Variants in KCTD8 observed in about 807,000 individuals in gnomAD.
KCTD8 encodes potassium channel tetramerization domain containing 8, also known as BTB/POZ domain-containing protein KCTD8.
A neutral mutation model predicts 31.5 loss-of-function variants in KCTD8; 27 were observed. That is an observed-to-expected ratio of 0.86 (90% confidence interval 0.63 to 1.18). KCTD8 has a LOEUF of 1.18. Ranked by LOEUF, KCTD8 falls within the 50% of genes most tolerant of loss-of-function variation. The probability of loss-of-function intolerance (pLI) is 0.00; values close to 1 mark genes in which losing one functional copy is unlikely to be tolerated. For synonymous variants in KCTD8, 290 were observed against 280.0 expected (o/e 1.04, Z -0.36); for missense variants, 658 against 647.7 (o/e 1.02, Z -0.17).
intron 1 of KCTD8, among the ~76,000 whole-genome samples, chr4:44,267,873 A>T (rs1408744801): frequency 6.6e-6 from 1 of 152,178 alleles, no homozygotes; most frequent in Non-Finnish European, 1.5e-5. Context: ...TAGACCAATA[A>T]CAGGCTCTTA....
chr4:44,355,778 A>G (rs907880707), intron 1 of KCTD8, among the ~76,000 whole-genome samples: 3 of 152,182 alleles, frequency 2.0e-5, no homozygotes, highest in African/African-American at 7.2e-5. Flanking sequence ...AGAAATCAAA[A>G]TTAGCACAGT....
intron 1 of KCTD8, among the ~76,000 whole-genome samples, chr4:44,416,372 G>C (rs954800637): frequency 2.6e-5 from 4 of 152,152 alleles, no homozygotes; most frequent in Admixed American, 2.6e-4. Flanking sequence ...GACTTTAGGG[G>C]ACTATTAAGG....
At chr4:44,178,410 G>C (rs1713280477) in intron 1 of KCTD8, among the ~76,000 whole-genome samples, 1 of 152,024 alleles carries the variant, frequency 6.6e-6, no homozygotes, top group Non-Finnish European at 1.5e-5. Flanking sequence ...CTTTATGGCT[G>C]AATGTGATCC....
intron 1 of KCTD8, among the ~76,000 whole-genome samples, chr4:44,229,701 T>C (rs1715062576): frequency 6.6e-6 from 1 of 152,118 alleles, no homozygotes; most frequent in South Asian, 2.1e-4. Flanking sequence ...AAAGCCTTTT[T>C]TTTTCTTCTT....
At chr4:44,435,162 C>A (rs1432299146) in intron 1 of KCTD8, among the ~76,000 whole-genome samples, 1 of 151,920 alleles carries the variant, frequency 6.6e-6, no homozygotes, top group African/African-American at 2.4e-5. Context: ...ACTACTGATT[C>A]AATTCATATA....
intron 1 of KCTD8, among the ~76,000 whole-genome samples, chr4:44,268,106 A>T (rs1396327429): frequency 6.6e-6 from 1 of 152,174 alleles, no homozygotes; most frequent in East Asian, 1.9e-4. Flanking sequence ...AGAATTTCAG[A>T]CCAATTTCCT....
chr4:44,397,917 A>G (rs888137897), intron 1 of KCTD8, among the ~76,000 whole-genome samples: 7 of 152,162 alleles, frequency 4.6e-5, no homozygotes, highest in Admixed American at 3.9e-4. Context: ...TTGTAGCACA[A>G]TGAATTACAG....
intron 1 of KCTD8, among the ~76,000 whole-genome samples, chr4:44,406,488 T>C (rs1720799600): frequency 6.6e-6 from 1 of 152,028 alleles, no homozygotes; most frequent in Non-Finnish European, 1.5e-5. Flanking sequence ...TTATCAGGGG[T>C]TTCCACTTTT....
intron 1 of KCTD8, among the ~76,000 whole-genome samples, chr4:44,322,559 T>C (rs567311598): frequency 6.6e-5 from 10 of 152,104 alleles, no homozygotes; most frequent in East Asian, 1.9e-4. Flanking sequence ...CTCTTCATTT[T>C]ATGTTTTTCC....
intron 1 of KCTD8, among the ~76,000 whole-genome samples, chr4:44,233,444 C>T (rs1385075474): frequency 1.3e-5 from 2 of 152,058 alleles, no homozygotes; most frequent in African/African-American, 4.8e-5. Context: ...CATGGTGTTC[C>T]AGTTCCATGG....
At chr4:44,374,255 GGA>G (rs1406060331) in intron 1 of KCTD8, among the ~76,000 whole-genome samples, 6 of 152,124 alleles carry the variant, frequency 3.9e-5, no homozygotes, top group Non-Finnish European at 8.8e-5. Context: ...AAGCTGCAGA[GGA>G]GAGAACAGCG....
intron 1 of KCTD8, among the ~76,000 whole-genome samples, chr4:44,199,949 C>T (rs1464931617): frequency 6.6e-6 from 1 of 151,526 alleles, no homozygotes; most frequent in Non-Finnish European, 1.5e-5. Flanking sequence ...CAAATAAATG[C>T]AATCAGAAAT....
At chr4:44,271,800 CAA>C (rs1716613108) in intron 1 of KCTD8, among the ~76,000 whole-genome samples, 1 of 152,032 alleles carries the variant, frequency 6.6e-6, no homozygotes. Context: ...TCTATAGAAA[CAA>C]TGTTTATCAC....
intron 1 of KCTD8, among the ~76,000 whole-genome samples, chr4:44,179,199 G>A (rs955467929): frequency 6.6e-5 from 10 of 150,800 alleles, no homozygotes; most frequent in Admixed American, 3.3e-4. Flanking sequence ...TGCCACCTTC[G>A]AAAAAGTCAT....
At chr4:44,268,981 A>T (rs954137076) in intron 1 of KCTD8, among the ~76,000 whole-genome samples, 13 of 152,058 alleles carry the variant, frequency 8.5e-5, no homozygotes, top group African/African-American at 2.9e-4. Context: ...TAATTTATAG[A>T]TTCAATGCCA....
intron 1 of KCTD8, among the ~76,000 whole-genome samples, chr4:44,239,996 G>T (rs1307442224): frequency 6.6e-6 from 1 of 152,170 alleles, no homozygotes; most frequent in Non-Finnish European, 1.5e-5. Flanking sequence ...TGGATTTAGT[G>T]ATAAAGAAAT....
chr4:44,392,223 T>C (rs567126245), intron 1 of KCTD8, among the ~76,000 whole-genome samples: 2 of 152,110 alleles, frequency 1.3e-5, no homozygotes, highest in Admixed American at 6.6e-5. Context: ...TTCCTTTAAG[T>C]TGATCCCTAA....
At chr4:44,264,767 T>C (rs1716288730) in intron 1 of KCTD8, among the ~76,000 whole-genome samples, 1 of 152,066 alleles carries the variant, frequency 6.6e-6, no homozygotes, top group Non-Finnish European at 1.5e-5. Flanking sequence ...CCTACACCCA[T>C]GGAGTCTTGC....
intron 1 of KCTD8, among the ~76,000 whole-genome samples, chr4:44,394,584 A>T (rs1266511495): frequency 3.3e-5 from 5 of 152,066 alleles, no homozygotes; most frequent in African/African-American, 1.2e-4. Flanking sequence ...TTAAGATCAG[A>T]TCCTGGCTTC....
Sources: allele counts gnomAD v4.1 joint callset (sites outside exome capture counted in the v4.1 genomes callset), GRCh38; gene constraint gnomAD v4.1.1; transcripts MANE v1.5; gene names NCBI Gene and HGNC (gene_info 2026-07-23, HGNC 2026-07-21).